Variants in MAP3K2 observed in about 807,000 individuals in gnomAD.
The protein encoded by MAP3K2 is MAP/ERK kinase kinase 2.
A neutral mutation model predicts 80.3 loss-of-function variants in MAP3K2; 24 were observed. The ratio of observed to expected loss-of-function variants is 0.30; its 90% CI spans 0.22 to 0.42. The LOEUF (loss-of-function observed/expected upper bound fraction) is 0.42, where lower values mean the gene tolerates loss of function less well. Among genes scored for constraint, MAP3K2 ranks in the 10% least tolerant of loss-of-function variants. The pLI, the probability that MAP3K2 is intolerant of heterozygous loss-of-function variation, is 1.00. For missense variants in MAP3K2, 608 were observed against 750.1 expected (o/e 0.81, Z 2.21); for synonymous variants, 244 against 253.7 (o/e 0.96, Z 0.36).
rs1005352321 is a variant in MAP3K2, at chr2:127,300,322, A to G, written c.*7257T>C. The G allele has an allele frequency of 7.2e-5, 11 of 152,180 alleles. No homozygotes were observed. Among genetic ancestry groups the G allele is most frequent in the African/African-American group, 2.7e-4 (11 of 41,452 alleles). The allele number at this position is 152,180 out of a possible 1,614,324, so 9.4% of individuals were successfully genotyped here. A position where few individuals can be genotyped will look rare whatever the true frequency, so the allele number is the denominator to read the frequency against. The stretch of plus-strand genomic sequence containing the variant: ...AAATGTCAATCTTAATAGGAAAAAA[A>G]CCCTTTGTACATAATTATAAACTGC... On this transcript the variant is annotated 3_prime_UTR_variant, in exon 17 of 17. Transcript: ENST00000682094.
intron 1 of MAP3K2, among the ~76,000 whole-genome samples, chr2:127,356,042 C>T (rs1448074789): frequency 6.6e-6 from 1 of 152,154 alleles, no homozygotes; most frequent in Non-Finnish European, 1.5e-5. Context: ...GCAATTCAGT[C>T]ACATCTTCAG....
Position 127,387,414 on chromosome 2 carries a change from A to ACACACACACG in MAP3K2, c.-66+37_-66+38insCGTGTGTGTG. 4.3e-6 allele frequency: 4 copies of ACACACACACG among 934,520 alleles called. No individual in the cohort carries two copies. The African/African-American group carries it at 7.2e-5, about 17-fold the overall frequency. The allele number at this position is 934,520 out of a possible 1,614,324, so 57.9% of individuals were successfully genotyped here. On this transcript the variant is annotated intron_variant, in intron 1 of 16. Coordinates refer to ENST00000682094, the MANE Select transcript of MAP3K2 (RefSeq NM_001371910.2). ...CACACGCGCGCACACACACACACAC[A>ACACACACACG]CACACACAAGCGCGCGCGCACGCAC... is the stretch of plus-strand genomic sequence containing the variant.
intron 1 of MAP3K2, among the ~76,000 whole-genome samples, chr2:127,349,395 G>A (rs1250322381): frequency 6.6e-6 from 1 of 151,856 alleles, no homozygotes; most frequent in Non-Finnish European, 1.5e-5. Flanking sequence ...CAAACTCCTG[G>A]GCTCAAGCAA....
rs1215569084 is a variant in MAP3K2, at chr2:127,339,499, A to C, written c.5-449T>G. Among the ~76,000 whole-genome samples, 1 of 152,206 alleles carries C rather than the reference A, an allele frequency of 6.6e-6. No individual in the cohort carries two copies. Among genetic ancestry groups the C allele is most frequent in the Admixed American group, 6.5e-5 (1 of 15,284 alleles). ...GGAAGGTTTTTTTATTCTTTCATCA[A>C]TACTTAAGAGTCAGAAACAAAGAAA... is the stretch of plus-strand genomic sequence containing the variant. On this transcript the variant is annotated intron_variant, in intron 2 of 16. Transcript: ENST00000682094. This position sits in a 1 kb window ranked among gnomAD's most constrained non-coding sequence, Gnocchi z 4.2.
chr2:127,322,468 TAC>T lies in MAP3K2; in HGVS notation c.839-218_839-217del, dbSNP rs975924019. On this transcript the variant is annotated intron_variant, in intron 11 of 16. Coordinates refer to ENST00000682094, the MANE Select transcript of MAP3K2 (RefSeq NM_001371910.2). The surrounding 1 kb of genome is among the most constrained non-coding windows in gnomAD (Gnocchi z 4.2). ...ATGTATGAGTGTGCACACAGAAACA[TAC>T]ACACACACATCTTAAAAAGGAACCT... 2.0e-5 allele frequency among the ~76,000 whole-genome samples: 3 copies of T among 152,080 alleles called. No individual in the cohort carries two copies. Among genetic ancestry groups the T allele is most frequent in the African/African-American group, 4.8e-5 (2 of 41,496 alleles).
intron 1 of MAP3K2, among the ~76,000 whole-genome samples, chr2:127,345,328 T>C (rs182245722): frequency 4.5e-4 from 68 of 152,300 alleles, no homozygotes; most frequent in African/African-American, 1.4e-3. Context: ...CAAAAAGATA[T>C]AGCAATTATA....
intron 1 of MAP3K2, among the ~76,000 whole-genome samples, chr2:127,358,401 T>C (rs1039948094): frequency 1.4e-4 from 21 of 152,148 alleles, no homozygotes; most frequent in African/African-American, 2.4e-5. Context: ...CATACTCCCA[T>C]ATGAACCAGT....
intron 1 of MAP3K2, among the ~76,000 whole-genome samples, chr2:127,385,010 G>A (rs1266572368): frequency 6.6e-6 from 1 of 152,096 alleles, no homozygotes; most frequent in Non-Finnish European, 1.5e-5. Context: ...AGCAACAAAG[G>A]ACTTAGATTA....
chr2:127,311,687 C>T (rs1685810358), intron 15 of MAP3K2, among the ~76,000 whole-genome samples: 1 of 152,028 alleles, frequency 6.6e-6, no homozygotes, highest in Non-Finnish European at 1.5e-5. Flanking sequence ...TCATGATCAA[C>T]AAATGGTTCA....
At position 127,306,779 on chromosome 2, in the gene MAP3K2, A is replaced by G. The variant is rs1558971527; in HGVS notation, c.*800T>C. 1 of 152,430 alleles carries G rather than the reference A, an allele frequency of 6.6e-6. No homozygotes were observed. Among genetic ancestry groups the G allele is most frequent in the South Asian group, 2.1e-4 (1 of 4,822 alleles). The allele number at this position is 152,430 out of a possible 1,614,324, so 9.4% of individuals were successfully genotyped here. ...GTCTCTTCTACTGCTCACACATTTG[A>G]TAAGAGTGATGTCCTTTTGTCTTTT... On this transcript the variant is annotated 3_prime_UTR_variant, in exon 17 of 17. Coordinates refer to ENST00000682094, the MANE Select transcript of MAP3K2 (RefSeq NM_001371910.2). This position sits in a 1 kb window ranked among gnomAD's most constrained non-coding sequence, Gnocchi z 4.7.
chr2:127,375,078 C>T (rs1020413278), intron 1 of MAP3K2, among the ~76,000 whole-genome samples: 6 of 152,150 alleles, frequency 3.9e-5, no homozygotes, highest in African/African-American at 1.2e-4. Context: ...TATGGAAAGA[C>T]GTAAACAGTA....
chr2:127,316,957 T>C (rs1424121214), intron 14 of MAP3K2: 1 of 151,984 alleles, frequency 6.6e-6, no homozygotes, highest in African/African-American at 2.4e-5. Context: ...GACACGCAAA[T>C]TTGTAAAGCA....
Position 127,337,748 on chromosome 2 carries a change from CTCT to C in MAP3K2, c.151_153del (p.Arg51del), listed in dbSNP as rs1686401043. ...TGTTTCCTTCCTTACCTTTTTTCTC[CTCT>C]ATGTTCAAATTTGACTCGGACATCA... is the stretch of plus-strand genomic sequence containing the variant. On this transcript the variant is annotated inframe_deletion, in exon 4 of 17. Coordinates refer to ENST00000682094, the MANE Select transcript of MAP3K2 (RefSeq NM_001371910.2). The C allele has an allele frequency of 6.6e-7, 1 of 1,520,792 alleles. No individual in the cohort carries two copies. The highest frequency in any genetic ancestry group is 8.9e-7 in the Non-Finnish European group (1 of 1,121,636). 94.2% of individuals were successfully genotyped at this position (1,520,792 alleles called of 1,614,324 possible). A position where few individuals can be genotyped will look rare whatever the true frequency, so the allele number is the denominator to read the frequency against.
rs62157548 is a variant in MAP3K2, at chr2:127,304,867, C to A, written c.*2712G>T. 1,201 of 152,530 alleles carry A rather than the reference C, an allele frequency of 7.9e-3. 10 individuals carry two copies. Among genetic ancestry groups the A allele is most frequent in the Non-Finnish European group, 0.013 (897 of 67,960 alleles). 9.4% of individuals were successfully genotyped at this position (152,530 alleles called of 1,614,324 possible). ...CTTTTATTGTGGTTTTTGGTACCTT[C>A]ACAACTTGTTTGAAATAAATTCACA... On this transcript the variant is annotated 3_prime_UTR_variant, in exon 17 of 17. Coordinates refer to ENST00000682094, the MANE Select transcript of MAP3K2 (RefSeq NM_001371910.2).
At chr2:127,328,713 G>A (rs1288699166) in intron 7 of MAP3K2, among the ~76,000 whole-genome samples, 1 of 152,150 alleles carries the variant, frequency 6.6e-6, no homozygotes, top group Admixed American at 6.5e-5. Flanking sequence ...CGAAGAGAAT[G>A]GTCATAAAAT....
chr2:127,384,156 A>C (rs1687302302), intron 1 of MAP3K2, among the ~76,000 whole-genome samples: 1 of 150,884 alleles, frequency 6.6e-6, no homozygotes, highest in Non-Finnish European at 1.5e-5. Flanking sequence ...CGGCCTCCCA[A>C]AGTGCTGGGA....
Position 127,307,710 on chromosome 2 carries a change from G to T in MAP3K2, c.1729C>A (p.Pro577Thr). 6.3e-7 allele frequency: 1 copy of T among 1,597,306 alleles called. No homozygotes were observed. The highest frequency in any genetic ancestry group is 2.2e-5 in the East Asian group (1 of 44,458). ...MAAIFKIATQ[P>T]TNPKLPPHVS... Reference sequence around the variant, plus strand: ...TGAGGTGGCAGCTTTGGGTTTGTTGGCTGAGTGGCGATTTTAAAGATGGCA... The same window carrying T: ...TGAGGTGGCAGCTTTGGGTTTGTTGTCTGAGTGGCGATTTTAAAGATGGCA... Residue 577 changes from proline to threonine, a missense_variant, in exon 17 of 17, where the codon CCA becomes ACA. Pro to Thr is a conservative substitution (Grantham distance 38). Around this residue, in one of 4 missense-constraint regions of MAP3K2, gnomAD observed 42 missense variants for 53.7 expected, o/e 0.78. Coordinates refer to ENST00000682094, the MANE Select transcript of MAP3K2 (RefSeq NM_001371910.2). The surrounding 1 kb of genome is among the most constrained non-coding windows in gnomAD (Gnocchi z 5.4).
chr2:127,312,397 A>G (rs1167756863), intron 15 of MAP3K2, among the ~76,000 whole-genome samples: 1 of 152,254 alleles, frequency 6.6e-6, no homozygotes, highest in Non-Finnish European at 1.5e-5. Context: ...CCAATCAACT[A>G]TCTTCCTTTT....
At chr2:127,324,305 T>C (rs988250984) in intron 9 of MAP3K2, 64 bp from the exon 10 acceptor site, 1 of 956,150 alleles carries the variant, frequency 1.0e-6, no homozygotes, top group Non-Finnish European at 1.6e-6. Flanking sequence ...AAGAAAATCT[T>C]TGAGCAATAT....
Sources: gnomAD v4.1 joint callset for allele counts (sites outside exome capture counted in the v4.1 genomes callset) on GRCh38, gnomAD v4.1.1 for gene constraint, gnomAD v4.1.1 regional missense constraint, Gnocchi (gnomAD v3.1) non-coding constraint, MANE v1.5 for transcripts, NCBI Gene and HGNC (gene_info 2026-07-23, HGNC 2026-07-21) for gene names.